The following CNTN5 variants were observed in gnomAD, a reference collection of about 807,000 sequenced individuals.
CNTN5 encodes the protein contactin-5.
Under a neutral mutation model 129.1 loss-of-function variants are expected in CNTN5, and 77 were observed. The observed-to-expected ratio is 0.60, with a 90% confidence interval of 0.50 to 0.72. The LOEUF (loss-of-function observed/expected upper bound fraction) is 0.72. Among genes scored for constraint, CNTN5 ranks in the 30% least tolerant of loss-of-function variants. CNTN5 has a pLI of 0.00. For synonymous variants in CNTN5, 509 were observed against 465.6 expected (o/e 1.09, Z -1.20); for missense variants, 1,478 against 1,328.8 (o/e 1.11, Z -1.75).
chr11:100,291,749 A>G (rs1950978559), intron 18 of CNTN5, among the ~76,000 whole-genome samples: 1 of 96,592 alleles, frequency 1.0e-5, no homozygotes, highest in African/African-American at 3.4e-5. Context: ...CGTAAAGTAT[A>G]ATAATAAATA....
At chr11:99,987,027 T>C (rs1938725449) in intron 8 of CNTN5, among the ~76,000 whole-genome samples, 2 of 152,160 alleles carry the variant, frequency 1.3e-5, no homozygotes, top group South Asian at 2.1e-4. Context: ...AAACAAAATA[T>C]AGATTTTTTC....
At chr11:99,978,393 C>G (rs1036233518) in intron 8 of CNTN5, among the ~76,000 whole-genome samples, 7 of 152,142 alleles carry the variant, frequency 4.6e-5, no homozygotes, top group African/African-American at 1.7e-4. Context: ...ATAAAGTCAA[C>G]AGTAATGTAC....
At chr11:100,131,672 G>A (rs192584850) in intron 13 of CNTN5, among the ~76,000 whole-genome samples, 6 of 152,116 alleles carry the variant, frequency 3.9e-5, no homozygotes, top group Admixed American at 6.5e-5. Context: ...AGAGGTAGGC[G>A]GGGAGAACAA....
intron 4 of CNTN5, among the ~76,000 whole-genome samples, chr11:99,825,619 A>C (rs1946929811): frequency 6.6e-6 from 1 of 152,034 alleles, no homozygotes. Context: ...TATCTGTCTG[A>C]AAATATATTT....
chr11:99,234,137 C>T (rs777576018), intron 1 of CNTN5, among the ~76,000 whole-genome samples: 3 of 151,978 alleles, frequency 2.0e-5, no homozygotes, highest in Non-Finnish European at 4.4e-5. Flanking sequence ...AATGGATTAA[C>T]CTGAATGAAT....
chr11:99,429,979 A>T (rs1207932329), intron 2 of CNTN5, among the ~76,000 whole-genome samples: 1 of 152,138 alleles, frequency 6.6e-6, no homozygotes, highest in Non-Finnish European at 1.5e-5. Context: ...ATACCCTCAA[A>T]AGCTAAGAAT....
chr11:99,911,552 G>T (rs928931958), intron 6 of CNTN5, among the ~76,000 whole-genome samples: 1 of 151,702 alleles, frequency 6.6e-6, no homozygotes, highest in East Asian at 1.9e-4. Flanking sequence ...TTTAACATAC[G>T]TAAGATACAA....
intron 2 of CNTN5, among the ~76,000 whole-genome samples, chr11:99,554,957 C>G (rs748751588): frequency 6.6e-6 from 1 of 151,914 alleles, no homozygotes; most frequent in Non-Finnish European, 1.5e-5. Context: ...TTTGTTTAGG[C>G]TTGTTATAAA....
intron 13 of CNTN5, among the ~76,000 whole-genome samples, chr11:100,183,337 G>C (rs1948197435): frequency 6.6e-6 from 1 of 152,064 alleles, no homozygotes; most frequent in Non-Finnish European, 1.5e-5. Flanking sequence ...CCTAAGCTGA[G>C]AGCAACCCAA....
chr11:99,820,986 G>A lies in CNTN5; in HGVS notation c.277+1221G>A, dbSNP rs567423645. Among the ~76,000 whole-genome samples the A allele has an allele frequency of 4.6e-5, 7 of 152,222 alleles. No homozygotes were observed. In the East Asian group the frequency reaches 1.4e-3, roughly 29 times the overall value. On this transcript the variant is annotated intron_variant, in intron 4 of 24. Transcript: ENST00000524871. ...ATGTGCAGCATTGTCTCGTAGTGTT[G>A]GCATCTAAGTTGTATGTAAGCATGA...
At chr11:99,829,029 G>A (rs761335002) in intron 4 of CNTN5, among the ~76,000 whole-genome samples, 11 of 152,018 alleles carry the variant, frequency 7.2e-5, no homozygotes, top group Admixed American at 1.3e-4. Flanking sequence ...TCCATTTAGA[G>A]CAAATTTAGT....
chr11:100,356,145 C>G lies in CNTN5; in HGVS notation c.3228C>G (p.Thr1076=). 1.9e-6 allele frequency: 3 copies of G among 1,610,140 alleles called. No individual in the cohort carries two copies. Among genetic ancestry groups the G allele is most frequent in the Non-Finnish European group, 2.5e-6 (3 of 1,177,830 alleles). ...SGGKITSAQS[T]LHSLSTSSSS... ...GAAAAATCACAAGTGCACAGTCGACCCTTCACTCTCTCTCCACATCTTCGT... is the reference window on the plus strand; with the variant it reads ...GAAAAATCACAAGTGCACAGTCGACGCTTCACTCTCTCTCCACATCTTCGT... The change falls in exon 25 of 25, where the codon ACC becomes ACG. Residue 1076 remains threonine, a synonymous_variant. Coordinates refer to ENST00000524871, the MANE Select transcript of CNTN5 (RefSeq NM_014361.4).
intron 2 of CNTN5, among the ~76,000 whole-genome samples, chr11:99,436,451 C>G (rs762883634): frequency 6.6e-6 from 1 of 152,190 alleles, no homozygotes; most frequent in African/African-American, 2.4e-5. Context: ...ACATCTTTCA[C>G]AGCATACGTT....
chr11:100,283,496 C>T (rs1054427193), intron 18 of CNTN5, among the ~76,000 whole-genome samples: 1 of 152,166 alleles, frequency 6.6e-6, no homozygotes, highest in Non-Finnish European at 1.5e-5. Flanking sequence ...CAGTTCAACA[C>T]AGGACTTGCC....
intron 7 of CNTN5, among the ~76,000 whole-genome samples, chr11:99,937,064 GAAA>G (rs375144774): frequency 6.6e-6 from 1 of 151,500 alleles, no homozygotes; most frequent in Admixed American, 6.6e-5. Flanking sequence ...AAAGGAAAAA[GAAA>G]AAAAATAAAA....
rs184589599 is a variant in CNTN5 at position 99,393,975 on chromosome 11, A to T, written c.-71+68491A>T. Among the ~76,000 whole-genome samples, 233 of 151,088 alleles carry T rather than the reference A, an allele frequency of 1.5e-3. 1 individual carries two copies. Among genetic ancestry groups the T allele is most frequent in the South Asian group, 3.7e-3 (18 of 4,812 alleles). ...GATTAAAAATTAAAATTACTTAAGC[A>T]AGTTCTCAGGCAAATTCTCATTTCT... is the stretch of plus-strand genomic sequence containing the variant. On this transcript the variant is annotated intron_variant, in intron 2 of 24. Transcript: ENST00000524871.
chr11:99,845,157 A>G lies in CNTN5; in HGVS notation c.472A>G (p.Ile158Val), dbSNP rs770916776. Residue 158 changes from isoleucine to valine, a missense_variant, in exon 6 of 25, where the codon ATT (isoleucine) becomes GTT (valine). By Grantham distance (29) the Ile-to-Val change is conservative (BLOSUM62 3). Coordinates refer to ENST00000524871, the MANE Select transcript of CNTN5 (RefSeq NM_014361.4). ...CTACAGTTTGATAGATGGCACCTTC[A>G]TTATAAGCAATCCAAGTGAAGCAAA... ...YRYSLIDGTF[I>V]ISNPSEAKDS... 22 of 1,613,728 alleles carry G rather than the reference A, an allele frequency of 1.4e-5. No homozygotes were observed. The highest frequency in any genetic ancestry group is 1.4e-5 in the Non-Finnish European group (17 of 1,179,862).
intron 1 of CNTN5, among the ~76,000 whole-genome samples, chr11:99,123,669 T>TTA (rs1014126718): frequency 1.4e-5 from 2 of 146,102 alleles, no homozygotes; most frequent in African/African-American, 5.1e-5. Flanking sequence ...TTTTTTTTTT[T>TTA]ATAGTTTTAG....
intron 3 of CNTN5, among the ~76,000 whole-genome samples, chr11:99,736,109 T>G (rs1045522192): frequency 1.3e-5 from 2 of 152,128 alleles, no homozygotes; most frequent in African/African-American, 4.8e-5. Flanking sequence ...ATTGGTAGAT[T>G]TAAGATTTCT....
Sources: allele counts gnomAD v4.1 joint callset (sites outside exome capture counted in the v4.1 genomes callset), GRCh38; gene constraint gnomAD v4.1.1; transcripts MANE v1.5; gene names NCBI Gene and HGNC (gene_info 2026-07-23, HGNC 2026-07-21).